The following SLC44A1 variants were observed in gnomAD, a reference collection of about 807,000 sequenced individuals.
The protein encoded by SLC44A1 is solute carrier family 44 member 1, also known as choline transporter-like protein 1.
In SLC44A1, 26 loss-of-function variants were observed where a neutral mutation model predicts 79.3. The ratio of observed to expected loss-of-function variants is 0.33; its 90% CI spans 0.24 to 0.46. The LOEUF is 0.46. Ranked by LOEUF, SLC44A1 falls within the 20% of genes least tolerant of loss-of-function variation. SLC44A1 has a pLI of 1.00. For missense variants in SLC44A1, 688 were observed against 798.1 expected (o/e 0.86, Z 1.66); for synonymous variants, 263 against 286.2 (o/e 0.92, Z 0.82).
At chr9:105,433,380 C>T (rs1459236284) in intron 15 of SLC44A1, among the ~76,000 whole-genome samples, 3 of 152,068 alleles carry the variant, frequency 2.0e-5, no homozygotes, top group Non-Finnish European at 4.4e-5. Flanking sequence ...TAAATGGGTA[C>T]CCCACAAAAG....
At chr9:105,281,646 A>C (rs1055752392) in intron 1 of SLC44A1, among the ~76,000 whole-genome samples, 2 of 152,132 alleles carry the variant, frequency 1.3e-5, no homozygotes, top group Non-Finnish European at 2.9e-5. Flanking sequence ...GGCTTCCATC[A>C]GGGGCTTGCA....
At chr9:105,434,734 G>A (rs571240305) in intron 15 of SLC44A1, among the ~76,000 whole-genome samples, 4 of 152,312 alleles carry the variant, frequency 2.6e-5, no homozygotes, top group African/African-American at 9.6e-5. Flanking sequence ...GAGTTTTCAT[G>A]TTCAAGGATA....
intron 5 of SLC44A1, among the ~76,000 whole-genome samples, chr9:105,352,878 C>G (rs907533479): frequency 6.6e-6 from 1 of 152,010 alleles, no homozygotes; most frequent in African/African-American, 2.4e-5. Context: ...ATTGAAGTAT[C>G]AAAACCCTGT....
At chr9:105,267,386 A>G (rs1390941024) in intron 1 of SLC44A1, among the ~76,000 whole-genome samples, 2 of 152,068 alleles carry the variant, frequency 1.3e-5, no homozygotes, top group African/African-American at 4.8e-5. Context: ...TCAATCTGGA[A>G]ATTTCTGGTT....
chr9:105,298,298 G>T (rs1213773931), intron 1 of SLC44A1, among the ~76,000 whole-genome samples: 3 of 151,596 alleles, frequency 2.0e-5, no homozygotes, highest in African/African-American at 7.3e-5. Flanking sequence ...ATTTTTTTTT[G>T]ACTTAGATAA....
intron 1 of SLC44A1, among the ~76,000 whole-genome samples, chr9:105,248,924 T>C (rs561988973): frequency 1.4e-4 from 21 of 152,342 alleles, no homozygotes; most frequent in Admixed American, 5.2e-4. Context: ...CCTTAATGGC[T>C]AGATGATTAT....
intron 3 of SLC44A1, among the ~76,000 whole-genome samples, chr9:105,312,791 G>A (rs1187172187): frequency 6.6e-6 from 1 of 151,998 alleles, no homozygotes; most frequent in South Asian, 2.1e-4. Flanking sequence ...CCCCATGTTT[G>A]TTAGCCTTTC....
In SLC44A1 at chr9:105,389,365, A is replaced by G. The variant is rs1449619067; in HGVS notation, c.*309A>G. 9.2e-7 allele frequency: 1 copy of G among 1,092,684 alleles called. No homozygotes were observed. The highest frequency in any genetic ancestry group is 1.6e-5 in the African/African-American group (1 of 61,088). 67.7% of individuals were successfully genotyped at this position (1,092,684 alleles called of 1,614,324 possible). A position where few individuals can be genotyped will look rare whatever the true frequency, so the allele number is the denominator to read the frequency against. On this transcript the variant is annotated 3_prime_UTR_variant, in exon 16 of 16. Coordinates refer to ENST00000374720, the MANE Select transcript of SLC44A1 (RefSeq NM_080546.5). Reference sequence around the variant, plus strand: ...AAATGTTAAAATTCATATCTGATTAACATTTTTAATAACTTAGAGGAGATT... The same window carrying G: ...AAATGTTAAAATTCATATCTGATTAGCATTTTTAATAACTTAGAGGAGATT...
At position 105,380,093 on chromosome 9, in the gene SLC44A1, A is replaced by T. The variant is rs529611214; in HGVS notation, c.1633-3030A>T. On this transcript the variant is annotated intron_variant, in intron 13 of 15. Transcript: ENST00000374720. ...AACATTGCCAGGCATTGCATTAAAT[A>T]CTTTTAGAATGCTTATTTTAACAAT... Among the ~76,000 whole-genome samples the T allele has an allele frequency of 2.6e-5, 4 of 152,330 alleles. No homozygotes were observed. The East Asian group carries it at 7.7e-4, about 29-fold the overall frequency.
chr9:105,425,778 A>C (rs1442524738), intron 15 of SLC44A1, among the ~76,000 whole-genome samples: 2 of 152,174 alleles, frequency 1.3e-5, no homozygotes, highest in African/African-American at 4.8e-5. Flanking sequence ...AGCCGAGATC[A>C]TGCCACTGCA....
intron 10 of SLC44A1, 135 bp from the exon 11 acceptor site, chr9:105,365,348 C>T (rs1039930144): frequency 1.6e-6 from 1 of 626,598 alleles, no homozygotes; most frequent in Non-Finnish European, 2.8e-6. Flanking sequence ...TATCACTTGG[C>T]CATTTTGTCA....
chr9:105,401,146 G>C (rs1828953004), downstream of SLC44A1, among the ~76,000 whole-genome samples: 1 of 152,200 alleles, frequency 6.6e-6, no homozygotes, highest in Non-Finnish European at 1.5e-5. Flanking sequence ...TTAAGTGAAA[G>C]CCAGCTGTGA....
intron 3 of SLC44A1, among the ~76,000 whole-genome samples, chr9:105,319,693 G>A (rs960937299): frequency 6.6e-6 from 1 of 152,078 alleles, no homozygotes; most frequent in Non-Finnish European, 1.5e-5. Flanking sequence ...AGAGCACCAA[G>A]TAAACAAAGA....
At chr9:105,274,643 GTTC>G (rs1830158535) in intron 1 of SLC44A1, among the ~76,000 whole-genome samples, 1 of 152,210 alleles carries the variant, frequency 6.6e-6, no homozygotes, top group African/African-American at 2.4e-5. Flanking sequence ...CATGAAACAA[GTTC>G]TTCTGCCCAG....
chr9:105,323,999 T>A lies in SLC44A1; in HGVS notation c.270-11564T>A, dbSNP rs527237212. Among the ~76,000 whole-genome samples the A allele has an allele frequency of 2.8e-5, 4 of 142,060 alleles. No homozygotes were observed. The South Asian group carries it at 8.3e-4, about 30-fold the overall frequency. 93.2% of individuals were successfully genotyped at this position (142,060 alleles called of 152,430 possible). On this transcript the variant is annotated intron_variant, in intron 3 of 15. Transcript: ENST00000374720. ...TGTACTTTCTCCCAAGTGCTTTTTGTTTTTGTTTTTGTTTTTGTTTTTGAC... is the reference window on the plus strand; with the variant it reads ...TGTACTTTCTCCCAAGTGCTTTTTGATTTTGTTTTTGTTTTTGTTTTTGAC...
At chr9:105,350,457 G>C (rs1827370511) in intron 5 of SLC44A1, among the ~76,000 whole-genome samples, 1 of 152,132 alleles carries the variant, frequency 6.6e-6, no homozygotes, top group Non-Finnish European at 1.5e-5. Flanking sequence ...TAAACTCATA[G>C]TCTAGTAGGG....
chr9:105,359,562 A>G (rs1827721407), intron 7 of SLC44A1, among the ~76,000 whole-genome samples: 1 of 152,214 alleles, frequency 6.6e-6, no homozygotes, highest in Non-Finnish European at 1.5e-5. Context: ...AGTTCCTAAT[A>G]CAAATTTAAA....
At chr9:105,376,628 C>T (rs555481173) in intron 13 of SLC44A1, among the ~76,000 whole-genome samples, 1 of 152,254 alleles carries the variant, frequency 6.6e-6, no homozygotes, top group South Asian at 2.1e-4. Flanking sequence ...CCCACCTCGG[C>T]CTCCCAAAGT....
chr9:105,390,412 C>G lies in SLC44A1; in HGVS notation c.*1356C>G, dbSNP rs1029736910. ...GAGCAAATTTTTTAAACTTATTGCA[C>G]TAAATACAGGCTCTGTACAAAAAAA... On this transcript the variant is annotated 3_prime_UTR_variant, in exon 16 of 16. Coordinates refer to ENST00000374720, the MANE Select transcript of SLC44A1 (RefSeq NM_080546.5). 17 of 804,508 alleles carry G rather than the reference C, an allele frequency of 2.1e-5. No individual in the cohort carries two copies. The highest frequency in any genetic ancestry group is 6.8e-4 in the Middle Eastern group (1 of 1,472). The allele number at this position is 804,508 out of a possible 1,614,324, so 49.8% of individuals were successfully genotyped here. A position where few individuals can be genotyped will look rare whatever the true frequency, so the allele number is the denominator to read the frequency against.
Sources: allele counts gnomAD v4.1 joint callset (sites outside exome capture counted in the v4.1 genomes callset), GRCh38; gene constraint gnomAD v4.1.1; transcripts MANE v1.5; gene names NCBI Gene and HGNC (gene_info 2026-07-23, HGNC 2026-07-21).